Variants in PACC1 observed in about 807,000 individuals in gnomAD.
PACC1 encodes proton-activated chloride channel.
PACC1 carries 34 observed loss-of-function variants against 39.7 expected under a neutral mutation model. That is an observed-to-expected ratio of 0.86 (90% CI 0.65 to 1.14). The LOEUF (loss-of-function observed/expected upper bound fraction) is 1.14, where lower values mean the gene tolerates loss of function less well. PACC1 is among the 50% of genes most tolerant of loss of function. The probability of loss-of-function intolerance (pLI) is 0.00; values close to 1 mark genes in which losing one functional copy is unlikely to be tolerated. For synonymous variants in PACC1, 127 were observed against 160.6 expected, an observed-to-expected ratio of 0.79 and a Z score of 1.58; for missense variants, 379 against 436.4, an observed-to-expected ratio of 0.87 and a Z score of 1.17.
At chr1:212,367,718 A>G (rs1318191390) in intron 7 of PACC1, among the ~76,000 whole-genome samples, 1 of 152,044 alleles carries the variant, frequency 6.6e-6, no homozygotes, top group Admixed American at 6.6e-5. Context: ...GGCAAAGGAG[A>G]GGGAAGAGTA....
intron 5 of PACC1, among the ~76,000 whole-genome samples, chr1:212,378,641 A>AGCAGTGTGTG (rs1324900742): frequency 1.3e-5 from 2 of 152,198 alleles, no homozygotes; most frequent in Admixed American, 6.5e-5. Flanking sequence ...GTGACCCCAA[A>AGCAGTGTGTG]GCAGTGTGTG....
At chr1:212,368,904 T>C (rs1416899835) in intron 7 of PACC1, among the ~76,000 whole-genome samples, 2 of 151,322 alleles carry the variant, frequency 1.3e-5, no homozygotes, top group East Asian at 1.9e-4. Flanking sequence ...TGGTGGCGGG[T>C]GCCTGCAGTC....
chr1:212,414,327 G>A (rs11803766), intron 1 of PACC1, among the ~76,000 whole-genome samples: 42,102 of 152,170 alleles, frequency 0.28, 8,210 homozygotes, highest in African/African-American at 0.56. Context: ...TCGCCGGGAG[G>A]AGGGCGCGGG....
intron 2 of PACC1, among the ~76,000 whole-genome samples, chr1:212,399,260 G>A (rs963067772): frequency 6.6e-6 from 1 of 152,036 alleles, no homozygotes; most frequent in Admixed American, 6.6e-5. Context: ...AGGCCATCTG[G>A]CCTAACTCTA....
At chr1:212,367,107 G>A (rs376948355) in intron 7 of PACC1, among the ~76,000 whole-genome samples, 12 of 152,256 alleles carry the variant, frequency 7.9e-5, no homozygotes, top group African/African-American at 2.6e-4. Flanking sequence ...AGAATTTGAC[G>A]TTAGAGGAGG....
At chr1:212,391,752 CTGA>C (rs1439434853) in intron 2 of PACC1, among the ~76,000 whole-genome samples, 4 of 152,066 alleles carry the variant, frequency 2.6e-5, no homozygotes, top group African/African-American at 9.7e-5. Context: ...CTTAAAGGAC[CTGA>C]TGGAGCTGAA....
At chr1:212,385,472 A>G in intron 3 of PACC1, 47 bp from the exon 4 acceptor site, 1 of 1,606,040 alleles carries the variant, frequency 6.2e-7, no homozygotes, top group Non-Finnish European at 8.5e-7. Context: ...CACACTCCTG[A>G]CCACATCCCT....
chr1:212,387,051 G>A lies in PACC1; in HGVS notation c.183C>T (p.Cys61=), dbSNP rs2102499792. The A allele has an allele frequency of 1.2e-6, 2 of 1,614,190 alleles. No homozygotes were observed. Among genetic ancestry groups the A allele is most frequent in the East Asian group, 2.2e-5 (1 of 44,876 alleles). ...GTAGGACCGAGAAGACGTTCTTCAG[G>A]CAGGCCTTGCTGAAGCGGATGCTGC... ...ASSSIRFSKA[C]LKNVFSVLLI... is the part of the protein sequence containing the mutation. The change falls in exon 3 of 8, where the codon TGC becomes TGT. Residue 61 remains cysteine, a synonymous_variant. Coordinates refer to ENST00000261455, the MANE Select transcript of PACC1 (RefSeq NM_018252.3).
At position 212,382,667 on chromosome 1, in the gene PACC1, T is replaced by TA. The variant is rs1035835229; in HGVS notation, c.495+2606dup. Reference sequence around the variant, plus strand: ...CATTTCTGAAATCTCACTGCAAACATAGGCAGTGGCAGGAGGCAGGTAAGA... The same window carrying TA: ...CATTTCTGAAATCTCACTGCAAACATAAGGCAGTGGCAGGAGGCAGGTAAGA... On this transcript the variant is annotated intron_variant, in intron 4 of 7. Transcript: ENST00000261455. Among the ~76,000 whole-genome samples, 8 of 152,276 alleles carry TA rather than the reference T, an allele frequency of 5.3e-5. No homozygotes were observed. The South Asian group carries it at 6.2e-4, about 12-fold the overall frequency.
chr1:212,373,285 G>C (rs1188130691), intron 7 of PACC1, among the ~76,000 whole-genome samples: 1 of 152,056 alleles, frequency 6.6e-6, no homozygotes, highest in African/African-American at 2.4e-5. Context: ...AATGGTGCTG[G>C]GAAAATTGGA....
At position 212,364,131 on chromosome 1, in the gene PACC1, G is replaced by A. The variant is rs1221905291; in HGVS notation, c.*1084C>T. The A allele has an allele frequency of 6.6e-6, 1 of 152,138 alleles. No individual in the cohort carries two copies. The highest frequency in any genetic ancestry group is 1.5e-5 in the Non-Finnish European group (1 of 68,028). The allele number at this position is 152,138 out of a possible 1,614,324, so 9.4% of individuals were successfully genotyped here. On this transcript the variant is annotated 3_prime_UTR_variant, in exon 8 of 8. Coordinates refer to ENST00000261455, the MANE Select transcript of PACC1 (RefSeq NM_018252.3). ...GAAACAATTTTTAGAACCTTAATGT[G>A]AAAAATAGACTTTTTTTTAATGCAT... is the stretch of plus-strand genomic sequence containing the variant.
chr1:212,367,234 CA>C (rs2102461874), intron 7 of PACC1, among the ~76,000 whole-genome samples: 1 of 152,272 alleles, frequency 6.6e-6, no homozygotes, highest in South Asian at 2.1e-4. Flanking sequence ...TGAGAGATCA[CA>C]GTATCTGGTT....
intron 2 of PACC1, among the ~76,000 whole-genome samples, chr1:212,397,422 G>A (rs760792469): frequency 1.1e-4 from 17 of 152,168 alleles, no homozygotes; most frequent in Non-Finnish European, 1.5e-4. Context: ...CATATGCTTT[G>A]ATAGCAGATT....
chr1:212,392,010 A>G (rs1661339417), intron 2 of PACC1, among the ~76,000 whole-genome samples: 1 of 152,244 alleles, frequency 6.6e-6, no homozygotes, highest in Non-Finnish European at 1.5e-5. Context: ...CCAAGTTGGA[A>G]AACACTCTGC....
intron 2 of PACC1, among the ~76,000 whole-genome samples, chr1:212,405,778 C>A (rs1375702502): frequency 6.6e-6 from 1 of 152,092 alleles, no homozygotes; most frequent in Non-Finnish European, 1.5e-5. Context: ...TTGGGTTCCT[C>A]ATCTATAAAC....
intron 4 of PACC1, among the ~76,000 whole-genome samples, chr1:212,384,383 C>T (rs533673865): frequency 6.6e-6 from 1 of 152,138 alleles, no homozygotes; most frequent in Admixed American, 6.5e-5. Context: ...CTCTACAGCA[C>T]GATGCATGTT....
intron 1 of PACC1, chr1:212,414,139 G>A (rs1019685406): frequency 7.5e-6 from 11 of 1,460,546 alleles, no homozygotes; most frequent in Non-Finnish European, 9.9e-6. Flanking sequence ...CGTGGGAGGA[G>A]GTGAGACTGG....
intron 7 of PACC1, among the ~76,000 whole-genome samples, chr1:212,371,991 A>T (rs903975428): frequency 6.6e-6 from 1 of 152,194 alleles, no homozygotes; most frequent in Non-Finnish European, 1.5e-5. Flanking sequence ...ATCATGATAA[A>T]AACTCTCAAT....
At chr1:212,396,989 T>G (rs1661552625) in intron 2 of PACC1, among the ~76,000 whole-genome samples, 1 of 152,012 alleles carries the variant, frequency 6.6e-6, no homozygotes, top group South Asian at 2.1e-4. Flanking sequence ...CCAGCAAAAC[T>G]TCAAAAATGA....
Sources: allele counts gnomAD v4.1 joint callset (sites outside exome capture counted in the v4.1 genomes callset), GRCh38; gene constraint gnomAD v4.1.1; transcripts MANE v1.5; gene names NCBI Gene and HGNC (gene_info 2026-07-23, HGNC 2026-07-21).